The following PRR16 variants were observed in gnomAD, a reference collection of about 807,000 sequenced individuals.
PRR16 encodes protein Largen.
Under a neutral mutation model 18.2 loss-of-function variants are expected in PRR16, and 6 were observed. The ratio of observed to expected loss-of-function variants is 0.33; its 90% CI spans 0.18 to 0.65. The LOEUF is 0.65. PRR16 is among the 30% of genes least tolerant of loss of function. PRR16 has a pLI of 0.74. For missense variants in PRR16, 412 were observed against 376.6 expected (o/e 1.09, Z -0.78); for synonymous variants, 151 against 147.8 (o/e 1.02, Z -0.16).
chr5:120,691,125 A>G (rs1757203723), downstream of PRR16, among the ~76,000 whole-genome samples: 1 of 152,276 alleles, frequency 6.6e-6, no homozygotes, highest in East Asian at 1.9e-4. Flanking sequence ...TCCAGACCTC[A>G]GTTTCAATAT....
intron 1 of PRR16, among the ~76,000 whole-genome samples, chr5:120,521,370 A>G (rs575414954): frequency 7.2e-5 from 11 of 152,116 alleles, no homozygotes; most frequent in South Asian, 6.2e-4. Flanking sequence ...ATTTATTACA[A>G]TCGTTGTGGT....
At chr5:120,703,149 G>T in the PRR16 span, among the ~76,000 whole-genome samples, 3 of 152,138 alleles carry the variant, frequency 2.0e-5, no homozygotes, top group African/African-American at 7.2e-5. Flanking sequence ...TTCTCTGGCG[G>T]GCAGGAGTGG....
the PRR16 span, among the ~76,000 whole-genome samples, chr5:120,755,590 C>T: frequency 7.2e-5 from 11 of 152,086 alleles, no homozygotes; most frequent in African/African-American, 1.2e-4. Context: ...GCATAGTATT[C>T]TGTGGTGTAT....
At chr5:120,557,407 CTT>C (rs1752449522) in intron 1 of PRR16, among the ~76,000 whole-genome samples, 1 of 151,802 alleles carries the variant, frequency 6.6e-6, no homozygotes, top group South Asian at 2.1e-4. Flanking sequence ...TTTTCTCCCT[CTT>C]TATATTTTCT....
intron 1 of PRR16, among the ~76,000 whole-genome samples, chr5:120,644,765 A>G (rs998352988): frequency 3.9e-5 from 6 of 152,146 alleles, no homozygotes; most frequent in Admixed American, 1.3e-4. Context: ...TGTATTTCTC[A>G]GATAGAATAT....
At chr5:120,586,870 T>C (rs1753464996) in intron 1 of PRR16, among the ~76,000 whole-genome samples, 1 of 152,062 alleles carries the variant, frequency 6.6e-6, no homozygotes, top group South Asian at 2.1e-4. Flanking sequence ...TTAAACTTAG[T>C]GAGGAGGGCA....
intron 1 of PRR16, among the ~76,000 whole-genome samples, chr5:120,494,348 T>TA (rs1750169437): frequency 6.6e-6 from 1 of 152,108 alleles, no homozygotes. Context: ...TCATGTCTTT[T>TA]ATTTTTTTGT....
At chr5:120,604,999 A>G (rs1477519678) in intron 1 of PRR16, among the ~76,000 whole-genome samples, 1 of 152,132 alleles carries the variant, frequency 6.6e-6, no homozygotes, top group Non-Finnish European at 1.5e-5. Context: ...ACCTTGGACA[A>G]TCTGATGACT....
the PRR16 span, among the ~76,000 whole-genome samples, chr5:120,768,770 TTAAGAG>T: frequency 6.6e-6 from 1 of 151,888 alleles, no homozygotes; most frequent in East Asian, 1.9e-4. Context: ...CAAATTTAAT[TTAAGAG>T]TAAGAGCAAG....
chr5:120,577,830 T>G (rs1373341107), intron 1 of PRR16, among the ~76,000 whole-genome samples: 2 of 152,170 alleles, frequency 1.3e-5, no homozygotes, highest in African/African-American at 4.8e-5. Flanking sequence ...CAACTGGGGA[T>G]GGAGATGCTA....
chr5:120,749,143 C>T, the PRR16 span, among the ~76,000 whole-genome samples: 3 of 151,694 alleles, frequency 2.0e-5, no homozygotes, highest in Non-Finnish European at 4.4e-5. Flanking sequence ...TAAATTAAAA[C>T]TAAAGCAACG....
chr5:120,590,132 A>G (rs1439915055), intron 1 of PRR16, among the ~76,000 whole-genome samples: 1 of 152,160 alleles, frequency 6.6e-6, no homozygotes, highest in African/African-American at 2.4e-5. Context: ...TCAACAGATT[A>G]TAAACAAAAC....
intron 1 of PRR16, among the ~76,000 whole-genome samples, chr5:120,641,080 A>G (rs1013638238): frequency 2.0e-5 from 3 of 152,168 alleles, no homozygotes; most frequent in Non-Finnish European, 4.4e-5. Context: ...GGTAATAACA[A>G]ACAAGTAAAG....
chr5:120,471,880 G>A (rs893312132), intron 1 of PRR16, among the ~76,000 whole-genome samples: 4 of 152,082 alleles, frequency 2.6e-5, no homozygotes, highest in Non-Finnish European at 5.9e-5. Context: ...AGACTCACAA[G>A]GTAGTCTGTC....
At chr5:120,737,843 T>A in the PRR16 span, among the ~76,000 whole-genome samples, 1 of 152,120 alleles carries the variant, frequency 6.6e-6, no homozygotes, top group African/African-American at 2.4e-5. Flanking sequence ...GATTCAGTCT[T>A]GATAGGTTGT....
At chr5:120,661,155 G>A (rs907905265) in intron 1 of PRR16, among the ~76,000 whole-genome samples, 1 of 152,074 alleles carries the variant, frequency 6.6e-6, no homozygotes, top group Non-Finnish European at 1.5e-5. Flanking sequence ...TACATTTTGA[G>A]CTTCATATCT....
intron 1 of PRR16, among the ~76,000 whole-genome samples, chr5:120,469,319 G>A (rs548411532): frequency 3.9e-5 from 6 of 152,026 alleles, no homozygotes; most frequent in Non-Finnish European, 8.8e-5. Context: ...GAATAATCTC[G>A]GAACTATTTT....
chr5:120,719,899 T>C, the PRR16 span, among the ~76,000 whole-genome samples: 1 of 151,958 alleles, frequency 6.6e-6, no homozygotes, highest in South Asian at 2.1e-4. Context: ...TCCCAGAAAA[T>C]TGTATAACAT....
At chr5:120,494,879 T>TA (rs932933037) in intron 1 of PRR16, among the ~76,000 whole-genome samples, 74 of 152,158 alleles carry the variant, frequency 4.9e-4, no homozygotes, top group African/African-American at 1.7e-3. Flanking sequence ...TGGTCCTTTA[T>TA]AAAAAAATCA....
Sources: gnomAD v4.1 joint callset for allele counts (sites outside exome capture counted in the v4.1 genomes callset) on GRCh38, gnomAD v4.1.1 for gene constraint, MANE v1.5 for transcripts, NCBI Gene and HGNC (gene_info 2026-07-23, HGNC 2026-07-21) for gene names.